BCAS1: variants seen among roughly 807,000 people sequenced by gnomAD.
The protein encoded by BCAS1 is breast carcinoma-amplified sequence 1.
In BCAS1, 46 loss-of-function variants were observed where a neutral mutation model predicts 65.4. The observed-to-expected ratio is 0.70, with a 90% CI of 0.55 to 0.90. The LOEUF (loss-of-function observed/expected upper bound fraction) is 0.90, where lower values mean the gene tolerates loss of function less well. BCAS1 is among the 40% of genes least tolerant of loss of function. BCAS1 has a pLI of 0.00. For synonymous variants in BCAS1, 298 were observed against 293.5 expected (o/e 1.02, Z -0.16); for missense variants, 793 against 771.2 (o/e 1.03, Z -0.33).
At chr20:53,953,204 C>G (rs1321749387) in intron 12 of BCAS1, among the ~76,000 whole-genome samples, 4 of 152,140 alleles carry the variant, frequency 2.6e-5, no homozygotes, top group Admixed American at 2.6e-4. Flanking sequence ...TATGTATGAA[C>G]AGATAAAAAA....
intron 6 of BCAS1, among the ~76,000 whole-genome samples, chr20:53,994,245 C>T (rs926618337): frequency 3.9e-5 from 6 of 152,342 alleles, no homozygotes; most frequent in Middle Eastern, 3.4e-3. Context: ...TTATCTGTCA[C>T]CAAGTTAAAC....
chr20:54,051,783 G>A (rs150264126), intron 3 of BCAS1, among the ~76,000 whole-genome samples: 1 of 151,570 alleles, frequency 6.6e-6, no homozygotes, highest in African/African-American at 2.4e-5. Flanking sequence ...TGTCTCCTAG[G>A]CTGGAGTGCC....
intron 4 of BCAS1, among the ~76,000 whole-genome samples, chr20:54,005,773 A>G (rs182072410): frequency 8.1e-4 from 123 of 152,286 alleles, no homozygotes; most frequent in Non-Finnish European, 1.4e-3. Context: ...ATAGGTTGCA[A>G]GTAGACTCGC....
intron 4 of BCAS1, among the ~76,000 whole-genome samples, chr20:54,008,686 T>C (rs115957780): frequency 0.013 from 1,957 of 152,236 alleles, 43 homozygotes; most frequent in African/African-American, 0.044. Flanking sequence ...CAGATTTCAA[T>C]TGAAGATAAC....
chr20:54,053,087 T>C (rs969504246), intron 3 of BCAS1, among the ~76,000 whole-genome samples: 2 of 152,242 alleles, frequency 1.3e-5, no homozygotes, highest in South Asian at 2.1e-4. Context: ...CTTAGTGGCA[T>C]TGCAGGTAAA....
chr20:54,052,068 G>A (rs765794853), intron 3 of BCAS1, among the ~76,000 whole-genome samples: 1 of 152,096 alleles, frequency 6.6e-6, no homozygotes, highest in African/African-American at 2.4e-5. Flanking sequence ...AAACTTCATT[G>A]TACCTTAACA....
intron 3 of BCAS1, among the ~76,000 whole-genome samples, chr20:54,045,213 A>G (rs1310675990): frequency 9.2e-6 from 1 of 108,358 alleles, no homozygotes; most frequent in Non-Finnish European, 1.8e-5. Flanking sequence ...CTCATCTCAA[A>G]AAAAAAAAAA....
chr20:54,031,187 A>G (rs1193977742), intron 3 of BCAS1, among the ~76,000 whole-genome samples: 1 of 151,516 alleles, frequency 6.6e-6, no homozygotes, highest in African/African-American at 2.4e-5. Context: ...CCAGAGAAAA[A>G]GTCTTCAAAA....
At chr20:54,037,446 G>A (rs1300019053) in intron 3 of BCAS1, among the ~76,000 whole-genome samples, 1 of 151,270 alleles carries the variant, frequency 6.6e-6, no homozygotes, top group Non-Finnish European at 1.5e-5. Context: ...GATGAGATTT[G>A]GGTGGGGACA....
rs112757955 is a variant in BCAS1 at position 54,068,737 on chromosome 20, C to T, written c.-6+1696G>A. On this transcript the variant is annotated intron_variant, in intron 1 of 12. Coordinates refer to ENST00000688948, the MANE Select transcript of BCAS1 (RefSeq NM_001366298.2). ...CACCTGGGGTTTGAACCTGGGTCCA[C>T]GTGACTCAGGCACTCAAATCCTGAA... Among the ~76,000 whole-genome samples the T allele has an allele frequency of 1.7e-3, 256 of 152,234 alleles. 2 individuals are homozygous for T. The highest frequency in any genetic ancestry group is 5.6e-3 in the African/African-American group (232 of 41,538).
intron 4 of BCAS1, among the ~76,000 whole-genome samples, chr20:54,006,780 G>A (rs2091206332): frequency 6.6e-6 from 1 of 152,040 alleles, no homozygotes; most frequent in Non-Finnish European, 1.5e-5. Context: ...CTTGCCTACG[G>A]TGTCATGAAA....
intron 4 of BCAS1, among the ~76,000 whole-genome samples, chr20:54,016,347 T>G (rs1340052658): frequency 2.0e-5 from 3 of 152,242 alleles, no homozygotes; most frequent in Non-Finnish European, 4.4e-5. Context: ...GCATAATAGA[T>G]GTACATAATT....
chr20:54,021,686 C>T (rs942211083), intron 4 of BCAS1, among the ~76,000 whole-genome samples: 2 of 151,810 alleles, frequency 1.3e-5, no homozygotes, highest in Non-Finnish European at 2.9e-5. Context: ...ACAATGAGAA[C>T]AGATGGACAC....
intron 12 of BCAS1, among the ~76,000 whole-genome samples, chr20:53,948,157 G>A (rs892386149): frequency 1.3e-5 from 2 of 152,080 alleles, no homozygotes; most frequent in African/African-American, 4.8e-5. Context: ...CCTTGCCGTG[G>A]ATCCTGGTTC....
intron 3 of BCAS1, among the ~76,000 whole-genome samples, chr20:54,031,193 C>A (rs988851981): frequency 6.6e-6 from 1 of 151,326 alleles, no homozygotes; most frequent in Non-Finnish European, 1.5e-5. Context: ...AAAAAGTCTT[C>A]AAAAAACACA....
chr20:53,953,481 T>C lies in BCAS1; in HGVS notation c.1766A>G (p.Lys589Arg), dbSNP rs749019547. 1 of 1,614,072 alleles carries C rather than the reference T, an allele frequency of 6.2e-7. No individual in the cohort carries two copies. The change falls in exon 12 of 13, where the codon AAG (lysine) becomes AGG (arginine). Residue 589 changes from lysine (K) to arginine (R), a missense_variant. Coordinates refer to ENST00000688948, the MANE Select transcript of BCAS1 (RefSeq NM_001366298.2). ...NSLQNGDKLQ[K>R]RPEKRQQSLG... ...GGACTGCTGCCGCTTCTCAGGTCTC[T>C]TTTGGAGCTTGTCCCCATTCTGCAG...
At chr20:54,004,866 C>T (rs2091146641) in intron 4 of BCAS1, among the ~76,000 whole-genome samples, 1 of 152,186 alleles carries the variant, frequency 6.6e-6, no homozygotes, top group Admixed American at 6.5e-5. Flanking sequence ...ACTGCACTTT[C>T]CCTAACTCTA....
intron 10 of BCAS1, among the ~76,000 whole-genome samples, chr20:53,966,157 C>G (rs1441307945): frequency 6.6e-6 from 1 of 152,134 alleles, no homozygotes. Flanking sequence ...AAGTCATTAT[C>G]TGAAAAAGAC....
chr20:53,974,114 A>G (rs143941222), intron 9 of BCAS1, among the ~76,000 whole-genome samples: 125 of 152,310 alleles, frequency 8.2e-4, no homozygotes, highest in Middle Eastern at 6.8e-3. Flanking sequence ...AAATGCACCA[A>G]TCAGCACTCT....
Sources: gnomAD v4.1 joint callset for allele counts (sites outside exome capture counted in the v4.1 genomes callset) on GRCh38, gnomAD v4.1.1 for gene constraint, MANE v1.5 for transcripts, NCBI Gene and HGNC (gene_info 2026-07-23, HGNC 2026-07-21) for gene names.